The following ULK4 variants were observed in gnomAD, a reference collection of about 807,000 sequenced individuals.
ULK4 encodes the protein inactive serine/threonine-protein kinase ULK4.
In ULK4, 133 loss-of-function variants were observed where a neutral mutation model predicts 160.6. The ratio of observed to expected loss-of-function variants is 0.83; its 90% CI spans 0.72 to 0.96. ULK4 has a LOEUF of 0.96. Among genes scored for constraint, ULK4 ranks in the 40% least tolerant of loss-of-function variants. ULK4 has a pLI of 0.00. For missense variants in ULK4, 1,580 were observed against 1,499.5 expected (o/e 1.05, Z -0.89); for synonymous variants, 534 against 539.8 (o/e 0.99, Z 0.15).
At chr3:41,913,383 G>A (rs187565520) in intron 8 of ULK4, among the ~76,000 whole-genome samples, 207 of 152,052 alleles carry the variant, frequency 1.4e-3, no homozygotes, top group African/African-American at 3.7e-3. Context: ...CCGCCACCAC[G>A]CCTGGATAAT....
At chr3:41,777,775 G>C (rs1446259591) in intron 21 of ULK4, among the ~76,000 whole-genome samples, 1 of 137,446 alleles carries the variant, frequency 7.3e-6, no homozygotes, top group African/African-American at 2.8e-5. Flanking sequence ...TGATTGCACT[G>C]TGGTCTGAGA....
intron 35 of ULK4, among the ~76,000 whole-genome samples, chr3:41,253,212 G>A (rs1258061404): frequency 6.6e-6 from 1 of 151,902 alleles, no homozygotes; most frequent in African/African-American, 2.4e-5. Context: ...TGGAACATCA[G>A]GAATGAAGGA....
intron 18 of ULK4, among the ~76,000 whole-genome samples, chr3:41,833,293 T>TG (rs1323146895): frequency 1.7e-3 from 242 of 146,360 alleles, no homozygotes; most frequent in African/African-American, 6.0e-3. Context: ...TTTGTTTTTT[T>TG]TTTTTTTGTT....
intron 27 of ULK4, among the ~76,000 whole-genome samples, chr3:41,698,664 T>C (rs1365819166): frequency 2.0e-5 from 3 of 152,200 alleles, no homozygotes; most frequent in Non-Finnish European, 4.4e-5. Flanking sequence ...TTTTTTCATA[T>C]TTATGTAAAT....
intron 35 of ULK4, among the ~76,000 whole-genome samples, chr3:41,376,647 C>T (rs1333828026): frequency 6.7e-6 from 1 of 149,444 alleles, no homozygotes; most frequent in African/African-American, 2.5e-5. Context: ...GAATAAAATA[C>T]CTAGGAATCC....
At chr3:41,833,286 G>GTTTTTT (rs767254673) in intron 18 of ULK4, among the ~76,000 whole-genome samples, 2 of 109,518 alleles carry the variant, frequency 1.8e-5, no homozygotes, top group East Asian at 2.2e-4. Flanking sequence ...TTTTTTTTTT[G>GTTTTTT]TTTTTTTTTT....
rs530379416 is a variant in ULK4, at chr3:41,564,189, G to A, written c.3226+1836C>T. Reference sequence around the variant, plus strand: ...CCCTGTTTGCCTGGGTATCACCAGCGGAGGCTGCAGAACAGCAAATAATGC... The same window carrying A: ...CCCTGTTTGCCTGGGTATCACCAGCAGAGGCTGCAGAACAGCAAATAATGC... On this transcript the variant is annotated intron_variant, in intron 32 of 36. Transcript: ENST00000301831. Among the ~76,000 whole-genome samples, 449 of 152,214 alleles carry A rather than the reference G, an allele frequency of 2.9e-3. 3 individuals are homozygous for A. Among genetic ancestry groups the A allele is most frequent in the African/African-American group, 0.01 (428 of 41,534 alleles).
chr3:41,715,599 G>A (rs2037240886), intron 23 of ULK4, 31 bp from the exon 24 acceptor site: 2 of 1,613,130 alleles, frequency 1.2e-6, no homozygotes, highest in East Asian at 2.2e-5. Context: ...CATATGTGGA[G>A]GTTAAAAACC....
intron 32 of ULK4, among the ~76,000 whole-genome samples, chr3:41,492,399 T>G (rs1341478168): frequency 8.0e-6 from 1 of 124,756 alleles, no homozygotes; most frequent in Admixed American, 7.8e-5. Context: ...ATCTGTTGTT[T>G]CCTGCCCTAA....
chr3:41,278,084 CT>C (rs1257242379), intron 35 of ULK4: 8 of 152,414 alleles, frequency 5.2e-5, no homozygotes, highest in Admixed American at 3.9e-4. Flanking sequence ...CGGGACACTC[CT>C]GCCCAAACAC....
chr3:41,636,324 C>G (rs2033948256), intron 30 of ULK4, among the ~76,000 whole-genome samples: 4 of 151,948 alleles, frequency 2.6e-5, no homozygotes, highest in Admixed American at 2.6e-4. Context: ...TACTTGAGTC[C>G]AAGAGTTCAA....
At chr3:41,826,163 T>C (rs971702021) in intron 18 of ULK4, among the ~76,000 whole-genome samples, 2 of 152,126 alleles carry the variant, frequency 1.3e-5, no homozygotes, top group African/African-American at 4.8e-5. Context: ...AAGGAAGCAC[T>C]AAACATGGAA....
intron 21 of ULK4, among the ~76,000 whole-genome samples, chr3:41,786,904 T>C (rs981568503): frequency 4.6e-5 from 7 of 152,188 alleles, no homozygotes; most frequent in African/African-American, 1.7e-4. Context: ...AGCAATGCAT[T>C]CACTGAGTTG....
At chr3:41,889,577 C>T (rs976001627) in intron 16 of ULK4, among the ~76,000 whole-genome samples, 2 of 152,108 alleles carry the variant, frequency 1.3e-5, no homozygotes, top group African/African-American at 4.8e-5. Context: ...GAAACAATAA[C>T]AATTGGTACT....
chr3:41,333,745 T>C (rs950808745), intron 35 of ULK4, among the ~76,000 whole-genome samples: 2 of 152,160 alleles, frequency 1.3e-5, no homozygotes, highest in Non-Finnish European at 2.9e-5. Flanking sequence ...CTGTTCGGGA[T>C]AGAAACAGTA....
chr3:41,653,918 C>T (rs2034838768), intron 30 of ULK4, among the ~76,000 whole-genome samples: 1 of 152,206 alleles, frequency 6.6e-6, no homozygotes, highest in African/African-American at 2.4e-5. Context: ...AACCACTCTG[C>T]AATGCACAAT....
intron 32 of ULK4, among the ~76,000 whole-genome samples, chr3:41,466,057 T>C (rs2083825051): frequency 6.6e-6 from 1 of 152,172 alleles, no homozygotes; most frequent in Admixed American, 6.5e-5. Context: ...TGGGTTTCAA[T>C]TGATTTCAAT....
intron 30 of ULK4, among the ~76,000 whole-genome samples, chr3:41,648,980 T>C (rs1434566236): frequency 6.6e-6 from 1 of 151,624 alleles, no homozygotes; most frequent in African/African-American, 2.4e-5. Flanking sequence ...ATACAAAAAT[T>C]AGCCGGGCAT....
chr3:41,809,571 A>G (rs2040757630), intron 19 of ULK4, among the ~76,000 whole-genome samples: 1 of 152,198 alleles, frequency 6.6e-6, no homozygotes, highest in Non-Finnish European at 1.5e-5. Context: ...ATAGATAATC[A>G]GTTTCCGCAT....
Sources: gnomAD v4.1 joint callset for allele counts (sites outside exome capture counted in the v4.1 genomes callset) on GRCh38, gnomAD v4.1.1 for gene constraint, MANE v1.5 for transcripts, NCBI Gene and HGNC (gene_info 2026-07-23, HGNC 2026-07-21) for gene names.